The following DPYD variants were observed in gnomAD, a reference collection of about 807,000 sequenced individuals.
The protein encoded by DPYD is dihydropyrimidine dehydrogenase [NADP(+)].
In DPYD, 109 loss-of-function variants were observed where a neutral mutation model predicts 116.2. The ratio of observed to expected loss-of-function variants is 0.94; its 90% confidence interval spans 0.80 to 1.10. The LOEUF (loss-of-function observed/expected upper bound fraction) is 1.10. DPYD is among the 50% of genes least tolerant of loss of function. DPYD has a pLI of 0.00. For synonymous variants in DPYD, 440 were observed against 432.0 expected, an observed-to-expected ratio of 1.02 and a Z score of -0.23; for missense variants, 1,302 against 1,254.5, an observed-to-expected ratio of 1.04 and a Z score of -0.57.
intron 20 of DPYD, among the ~76,000 whole-genome samples, chr1:97,136,893 T>C (rs1653847559): frequency 6.6e-6 from 1 of 152,170 alleles, no homozygotes; most frequent in Non-Finnish European, 1.5e-5. Flanking sequence ...AGCTAGGTAT[T>C]TGTCGACTAG....
intron 18 of DPYD, among the ~76,000 whole-genome samples, chr1:97,278,999 A>C (rs1426458078): frequency 6.6e-6 from 1 of 152,006 alleles, no homozygotes; most frequent in African/African-American, 2.4e-5. Flanking sequence ...AAAATATATG[A>C]CTTCTTAAAA....
intron 4 of DPYD, among the ~76,000 whole-genome samples, chr1:97,734,197 T>C (rs1294681564): frequency 6.6e-6 from 1 of 152,164 alleles, no homozygotes; most frequent in Non-Finnish European, 1.5e-5. Context: ...TTTTAATATC[T>C]AGGTTAGTCC....
chr1:97,289,991 C>A (rs886094086), intron 18 of DPYD, among the ~76,000 whole-genome samples: 1 of 152,166 alleles, frequency 6.6e-6, no homozygotes, highest in African/African-American at 2.4e-5. Flanking sequence ...TCAGCAAAGT[C>A]TCAGGATACA....
chr1:97,255,763 G>A (rs1164980375), intron 18 of DPYD, among the ~76,000 whole-genome samples: 1 of 151,620 alleles, frequency 6.6e-6, no homozygotes, highest in Non-Finnish European at 1.5e-5. Context: ...ATCTAACCAG[G>A]GGAAACTGGT....
chr1:97,479,077 T>G (rs1362483625), intron 13 of DPYD, among the ~76,000 whole-genome samples: 1 of 152,182 alleles, frequency 6.6e-6, no homozygotes, highest in Non-Finnish European at 1.5e-5. Context: ...AACTAAAACT[T>G]TCCCTATAGC....
chr1:97,145,883 A>AT (rs1173443612), intron 20 of DPYD, among the ~76,000 whole-genome samples: 1 of 151,826 alleles, frequency 6.6e-6, no homozygotes, highest in Non-Finnish European at 1.5e-5. Context: ...GTTAACATGA[A>AT]TACATTGCTT....
intron 4 of DPYD, among the ~76,000 whole-genome samples, chr1:97,730,032 A>C (rs1196814382): frequency 6.6e-6 from 1 of 152,198 alleles, no homozygotes; most frequent in Non-Finnish European, 1.5e-5. Flanking sequence ...GCATAATGCC[A>C]GAAAGCACTT....
chr1:97,328,374 C>A (rs572566007), intron 16 of DPYD, among the ~76,000 whole-genome samples: 1 of 152,022 alleles, frequency 6.6e-6, no homozygotes, highest in Non-Finnish European at 1.5e-5. Flanking sequence ...TGGCATGCAG[C>A]GAAAACCAGT....
chr1:97,313,833 A>G (rs751737751), intron 16 of DPYD, among the ~76,000 whole-genome samples: 30 of 151,890 alleles, frequency 2.0e-4, no homozygotes, highest in Non-Finnish European at 4.1e-4. Flanking sequence ...CTGTTCCATA[A>G]TCAATTTCTT....
intron 16 of DPYD, among the ~76,000 whole-genome samples, chr1:97,354,605 G>C (rs1334800705): frequency 2.0e-5 from 3 of 152,120 alleles, no homozygotes; most frequent in Non-Finnish European, 2.9e-5. Flanking sequence ...TGGAAAGATA[G>C]CAAAAAATCA....
chr1:97,306,347 C>A, intron 16 of DPYD, 50 bp from the exon 17 acceptor site: 1 of 1,609,488 alleles, frequency 6.2e-7, no homozygotes, highest in South Asian at 1.1e-5. Flanking sequence ...GAATTGTGAT[C>A]AAAATGTGTA....
intron 13 of DPYD, among the ~76,000 whole-genome samples, chr1:97,513,002 A>T (rs1041927973): frequency 6.6e-6 from 1 of 151,642 alleles, no homozygotes; most frequent in Non-Finnish European, 1.5e-5. Flanking sequence ...CATTAAAAAT[A>T]TGATCATTTG....
intron 12 of DPYD, among the ~76,000 whole-genome samples, chr1:97,544,392 C>T (rs1650672622): frequency 1.3e-5 from 2 of 152,176 alleles, no homozygotes; most frequent in Non-Finnish European, 2.9e-5. Context: ...TAATTCAACA[C>T]TTAGTTTGAC....
intron 1 of DPYD, among the ~76,000 whole-genome samples, chr1:97,891,137 TA>T (rs1672751136): frequency 6.6e-6 from 1 of 151,904 alleles, no homozygotes; most frequent in Non-Finnish European, 1.5e-5. Context: ...AGCAAGACTT[TA>T]AAAAACTAAA....
chr1:97,282,508 A>G (rs1399174553), intron 18 of DPYD, among the ~76,000 whole-genome samples: 1 of 152,088 alleles, frequency 6.6e-6, no homozygotes, highest in East Asian at 1.9e-4. Flanking sequence ...TTCTAGATAC[A>G]CTAGTTTATT....
intron 22 of DPYD, among the ~76,000 whole-genome samples, chr1:97,081,695 TC>T (rs1428470062): frequency 6.7e-6 from 1 of 149,538 alleles, no homozygotes; most frequent in Non-Finnish European, 1.5e-5. Context: ...TCTTTCTTTT[TC>T]TTTTTCTTTT....
At position 97,664,619 on chromosome 1, in the gene DPYD, C is replaced by T. The variant is rs184208473; in HGVS notation, c.850+14476G>A. The stretch of plus-strand genomic sequence containing the variant: ...TTTTCTTAGTCACTGCCTTATTTTG[C>T]TTCCTCTTATTAGAGGTCTTAGTAG... On this transcript the variant is annotated intron_variant, in intron 8 of 22. Coordinates refer to ENST00000370192, the MANE Select transcript of DPYD (RefSeq NM_000110.4). 1.9e-3 allele frequency among the ~76,000 whole-genome samples: 287 copies of T among 152,060 alleles called. 3 individuals are homozygous for T. Among genetic ancestry groups the T allele is most frequent in the African/African-American group, 6.4e-3 (267 of 41,492 alleles).
chr1:97,257,759 T>C (rs533158662), intron 18 of DPYD, among the ~76,000 whole-genome samples: 5 of 152,194 alleles, frequency 3.3e-5, no homozygotes, highest in African/African-American at 1.2e-4. Context: ...GAATGCCAGC[T>C]ATGAAGCAGC....
chr1:97,780,615 C>T (rs539554084), intron 3 of DPYD, among the ~76,000 whole-genome samples: 2 of 152,176 alleles, frequency 1.3e-5, no homozygotes, highest in Non-Finnish European at 2.9e-5. Context: ...CTTGAACATA[C>T]TGCAACAGCT....
Sources: allele counts gnomAD v4.1 joint callset (sites outside exome capture counted in the v4.1 genomes callset), GRCh38; gene constraint gnomAD v4.1.1; transcripts MANE v1.5; gene names NCBI Gene and HGNC (gene_info 2026-07-23, HGNC 2026-07-21).